CAMTA1: variants seen among roughly 807,000 people sequenced by gnomAD.
CAMTA1 encodes the protein calmodulin-binding transcription activator 1.
A neutral mutation model predicts 170.9 loss-of-function variants in CAMTA1; 27 were observed. The observed-to-expected ratio is 0.16, with a 90% CI of 0.12 to 0.22. The LOEUF (loss-of-function observed/expected upper bound fraction) is 0.22. Among genes scored for constraint, CAMTA1 ranks in the 10% least tolerant of loss-of-function variants. The pLI, the probability that CAMTA1 is intolerant of heterozygous loss-of-function variation, is 1.00. For missense variants in CAMTA1, 1,619 were observed against 2,217.2 expected (o/e 0.73, Z 5.42); for synonymous variants, 833 against 891.5 (o/e 0.93, Z 1.17).
intron 3 of CAMTA1, among the ~76,000 whole-genome samples, chr1:6,911,849 C>T (rs1227365358): frequency 6.6e-6 from 1 of 152,246 alleles, no homozygotes; most frequent in Non-Finnish European, 1.5e-5. Context: ...AGCCCTGCAT[C>T]AAGCATATTC....
chr1:7,410,569 C>A (rs1557668793), intron 5 of CAMTA1, among the ~76,000 whole-genome samples: 1 of 152,238 alleles, frequency 6.6e-6, no homozygotes, highest in African/African-American at 2.4e-5. Flanking sequence ...AAAGGAGACA[C>A]CATCACCCAA....
At chr1:7,494,760 C>A (rs975565170) in intron 6 of CAMTA1, among the ~76,000 whole-genome samples, 1 of 151,980 alleles carries the variant, frequency 6.6e-6, no homozygotes, top group South Asian at 2.1e-4. Context: ...GCAGAGATGG[C>A]GCCACTGCAC....
chr1:6,834,068 A>G (rs140794740), intron 3 of CAMTA1, among the ~76,000 whole-genome samples: 61 of 151,788 alleles, frequency 4.0e-4, no homozygotes, highest in African/African-American at 1.4e-3. Context: ...TTGTCTTTGA[A>G]GATTATTGTT....
chr1:7,412,138 T>A (rs2090821466), intron 5 of CAMTA1, among the ~76,000 whole-genome samples: 1 of 152,176 alleles, frequency 6.6e-6, no homozygotes, highest in Non-Finnish European at 1.5e-5. Context: ...TGTGCCACAT[T>A]TTCTTACTCC....
chr1:7,389,855 G>A (rs6667164), intron 5 of CAMTA1: 2,084 of 152,648 alleles, frequency 0.014, 49 homozygotes, highest in African/African-American at 0.047. Flanking sequence ...GCCCAGACTA[G>A]GGTGGCCGGG....
At chr1:7,742,392 TA>T (rs1320230097) in intron 16 of CAMTA1, among the ~76,000 whole-genome samples, 1 of 151,120 alleles carries the variant, frequency 6.6e-6, no homozygotes, top group African/African-American at 2.4e-5. Context: ...TAATATATGA[TA>T]TACTTATATA....
intron 3 of CAMTA1, among the ~76,000 whole-genome samples, chr1:7,004,814 C>T (rs913813335): frequency 2.0e-5 from 3 of 152,178 alleles, no homozygotes; most frequent in Non-Finnish European, 2.9e-5. Flanking sequence ...GTCACCCAGG[C>T]TAGAGTGCAA....
At chr1:7,700,442 G>A (rs1558156718) in intron 11 of CAMTA1, among the ~76,000 whole-genome samples, 1 of 152,198 alleles carries the variant, frequency 6.6e-6, no homozygotes, top group African/African-American at 2.4e-5. Flanking sequence ...TTTACTGGAA[G>A]TTGATATATA....
intron 4 of CAMTA1, among the ~76,000 whole-genome samples, chr1:7,097,034 A>G (rs1056311219): frequency 6.6e-5 from 10 of 152,072 alleles, no homozygotes; most frequent in Non-Finnish European, 1.2e-4. Context: ...TTCACTTGGC[A>G]TTGCCCTCAC....
intron 5 of CAMTA1, among the ~76,000 whole-genome samples, chr1:7,306,464 TTA>T (rs1412729673): frequency 1.3e-5 from 2 of 152,030 alleles, no homozygotes; most frequent in East Asian, 3.8e-4. Flanking sequence ...TTTATTTCTA[TTA>T]TGTCTCTTGT....
chr1:7,391,249 G>A (rs1325582966), intron 5 of CAMTA1, among the ~76,000 whole-genome samples: 1 of 151,826 alleles, frequency 6.6e-6, no homozygotes, highest in Non-Finnish European at 1.5e-5. Context: ...TGCCCACCTC[G>A]GCCTCCCAAA....
At chr1:7,490,512 C>T (rs1301061307) in intron 6 of CAMTA1, among the ~76,000 whole-genome samples, 1 of 152,170 alleles carries the variant, frequency 6.6e-6, no homozygotes, top group Non-Finnish European at 1.5e-5. Flanking sequence ...ATTAGCCGGG[C>T]GTAGTGGCAC....
chr1:7,569,025 AC>A (rs1440563135), intron 6 of CAMTA1, among the ~76,000 whole-genome samples: 4 of 150,310 alleles, frequency 2.7e-5, no homozygotes, highest in Non-Finnish European at 4.4e-5. Context: ...TCATATTATT[AC>A]CATTACCATC....
intron 5 of CAMTA1, among the ~76,000 whole-genome samples, chr1:7,298,791 C>T (rs1056597969): frequency 2.6e-5 from 4 of 152,152 alleles, no homozygotes; most frequent in Admixed American, 6.5e-5. Flanking sequence ...GCCCCAGGAA[C>T]GCACTCAGGG....
At chr1:6,979,944 G>A (rs751028202) in intron 3 of CAMTA1, among the ~76,000 whole-genome samples, 5 of 152,136 alleles carry the variant, frequency 3.3e-5, no homozygotes, top group East Asian at 1.9e-4. Context: ...CACTATGTGC[G>A]CATGAAGACG....
At chr1:6,824,160 G>A (rs994658837) in intron 2 of CAMTA1, among the ~76,000 whole-genome samples, 6 of 152,132 alleles carry the variant, frequency 3.9e-5, no homozygotes, top group African/African-American at 1.4e-4. Context: ...ACCTAGTTAT[G>A]TGTACCCTTT....
chr1:7,516,721 G>T (rs937084858), intron 6 of CAMTA1, among the ~76,000 whole-genome samples: 4 of 152,326 alleles, frequency 2.6e-5, no homozygotes, highest in African/African-American at 9.6e-5. Context: ...CAGAAGGCCA[G>T]CAGAATGTCA....
chr1:7,174,171 T>A (rs1300477758), intron 4 of CAMTA1, among the ~76,000 whole-genome samples: 1 of 152,208 alleles, frequency 6.6e-6, no homozygotes, highest in African/African-American at 2.4e-5. Context: ...GGAGCAGCTC[T>A]GTCAGGCCGG....
At chr1:7,412,346 A>G (rs1249698711) in intron 5 of CAMTA1, among the ~76,000 whole-genome samples, 1 of 151,676 alleles carries the variant, frequency 6.6e-6, no homozygotes, top group Non-Finnish European at 1.5e-5. Context: ...TGACTTCCAC[A>G]ATGGTTGAAC....
Sources: allele counts gnomAD v4.1 joint callset (sites outside exome capture counted in the v4.1 genomes callset), GRCh38; gene constraint gnomAD v4.1.1; transcripts MANE v1.5; gene names NCBI Gene and HGNC (gene_info 2026-07-23, HGNC 2026-07-21).